KCNH8: variants seen among roughly 807,000 people sequenced by gnomAD.
KCNH8 encodes the protein voltage-gated delayed rectifier potassium channel KCNH8.
Under a neutral mutation model 103.6 loss-of-function variants are expected in KCNH8, and 70 were observed. That is an observed-to-expected ratio of 0.68 (90% CI 0.56 to 0.82). The LOEUF is 0.82. Ranked by LOEUF, KCNH8 falls within the 40% of genes least tolerant of loss-of-function variation. The pLI is 0.00. For synonymous variants in KCNH8, 498 were observed against 489.4 expected (o/e 1.02, Z -0.23); for missense variants, 1,217 against 1,329.9 (o/e 0.92, Z 1.32).
At chr3:19,238,188 G>A (rs144717344) in intron 1 of KCNH8, among the ~76,000 whole-genome samples, 15 of 152,292 alleles carry the variant, frequency 9.8e-5, no homozygotes, top group East Asian at 7.7e-4. Context: ...CGAGATCACC[G>A]TATTTAAGGT....
At position 19,479,248 on chromosome 3, in the gene KCNH8, C is replaced by T. The variant is rs148725840; in HGVS notation, c.2040+22266C>T. On this transcript the variant is annotated intron_variant, in intron 11 of 15. Transcript: ENST00000328405. ...TCGTCCAGAAACTCTAAATTCAGAG[C>T]TCAATTACTTAACTTGTACTTCTGT... Among the ~76,000 whole-genome samples the T allele has an allele frequency of 7.6e-3, 1,157 of 152,200 alleles. 30 individuals carry two copies. Among genetic ancestry groups the T allele is most frequent in the Admixed American group, 9.8e-3 (150 of 15,294 alleles).
chr3:19,430,950 T>C lies in KCNH8; in HGVS notation c.1178-7214T>C, dbSNP rs551351620. Among the ~76,000 whole-genome samples the C allele has an allele frequency of 9.8e-5, 15 of 152,314 alleles. No homozygotes were observed. In the South Asian group the frequency reaches 2.1e-3, roughly 21 times the overall value. On this transcript the variant is annotated intron_variant, in intron 7 of 15. Transcript: ENST00000328405. ...TGCAAACACAGACAGTTTGACTTCC[T>C]CTCTTTCTATTTGAATACGCTTCAT...
rs1018311236 is a variant in KCNH8 at position 19,424,515 on chromosome 3, A to G, written c.1178-13649A>G. On this transcript the variant is annotated intron_variant, in intron 7 of 15. Transcript: ENST00000328405. Reference sequence around the variant, plus strand: ...CCTGAAACCATAAAAATTCTATAATATAACATCAGAAAAACTCGTCTAGAC... The same window carrying G: ...CCTGAAACCATAAAAATTCTATAATGTAACATCAGAAAAACTCGTCTAGAC... Among the ~76,000 whole-genome samples, 31 of 152,176 alleles carry G rather than the reference A, an allele frequency of 2.0e-4. 1 individual carries two copies. Among genetic ancestry groups the G allele is most frequent in the African/African-American group, 7.5e-4 (31 of 41,452 alleles).
chr3:19,340,864 C>G (rs1050636814), intron 3 of KCNH8, among the ~76,000 whole-genome samples: 1 of 152,056 alleles, frequency 6.6e-6, no homozygotes, highest in African/African-American at 2.4e-5. Flanking sequence ...ATAATTCAGC[C>G]AAGGGGCAGA....
At chr3:19,173,748 A>G (rs969275263) in intron 1 of KCNH8, among the ~76,000 whole-genome samples, 19 of 152,118 alleles carry the variant, frequency 1.2e-4, no homozygotes, top group Non-Finnish European at 2.5e-4. Context: ...TTAGACTACA[A>G]TTTAAATAAA....
At chr3:19,252,945 A>T (rs1436339233) in intron 1 of KCNH8, among the ~76,000 whole-genome samples, 1 of 152,082 alleles carries the variant, frequency 6.6e-6, no homozygotes, top group Non-Finnish European at 1.5e-5. Flanking sequence ...GAGTGCACTT[A>T]GCTTAAGTGG....
intron 2 of KCNH8, among the ~76,000 whole-genome samples, chr3:19,269,295 A>C (rs1440503245): frequency 6.6e-6 from 1 of 152,104 alleles, no homozygotes; most frequent in Non-Finnish European, 1.5e-5. Context: ...TTACTTTCCC[A>C]AAATTTCTCA....
Position 19,518,081 on chromosome 3 carries a change from A to G in KCNH8, c.2619+7A>G, listed in dbSNP as rs764890568. 8.1e-6 allele frequency: 13 copies of G among 1,608,416 alleles called. No homozygotes were observed. In the Admixed American group the frequency reaches 2.0e-4, roughly 25 times the overall value. The stretch of plus-strand genomic sequence containing the variant: ...AAACAAACTCAACAGTGAGGTATGG[A>G]GCTCTTTCTTTGGTCATGCCTAAAT... On this transcript the variant is annotated splice_region_variant and intron_variant, in intron 15 of 15. Transcript: ENST00000328405.
intron 1 of KCNH8, among the ~76,000 whole-genome samples, chr3:19,164,677 G>A (rs78624460): frequency 0.014 from 2,063 of 152,256 alleles, 43 homozygotes; most frequent in African/African-American, 0.047. Flanking sequence ...TGACTTCACT[G>A]TGAGATACTT....
At chr3:19,256,367 G>T (rs1021890667) in intron 2 of KCNH8, among the ~76,000 whole-genome samples, 3 of 152,012 alleles carry the variant, frequency 2.0e-5, no homozygotes, top group Non-Finnish European at 4.4e-5. Flanking sequence ...CAATACATAA[G>T]GCCTACATAG....
chr3:19,371,607 T>A (rs1359692814), intron 5 of KCNH8, among the ~76,000 whole-genome samples: 1 of 150,502 alleles, frequency 6.6e-6, no homozygotes, highest in Admixed American at 6.6e-5. Flanking sequence ...AGAAGCTCTT[T>A]AGTTTAATTA....
chr3:19,527,089 T>A (rs1171839704), intron 15 of KCNH8, among the ~76,000 whole-genome samples: 2 of 152,004 alleles, frequency 1.3e-5, no homozygotes, highest in Admixed American at 1.3e-4. Flanking sequence ...TTAATCCATC[T>A]GAATGCAGCT....
rs1452052856 is a variant in KCNH8 at position 19,384,255 on chromosome 3, GC to G, written c.812-6225del. On this transcript the variant is annotated intron_variant, in intron 5 of 15. Transcript: ENST00000328405. Reference sequence around the variant, plus strand: ...TTTTGTATCTACAGCTGGAATGATTGCAGATTAATAAAATTATGAAATCCCA... The same window carrying G: ...TTTTGTATCTACAGCTGGAATGATTGAGATTAATAAAATTATGAAATCCCA... Among the ~76,000 whole-genome samples, 6 of 152,176 alleles carry G rather than the reference GC, an allele frequency of 3.9e-5. No homozygotes were observed. In the East Asian group the frequency reaches 1.2e-3, roughly 29 times the overall value.
chr3:19,253,613 C>T (rs1575471118), intron 1 of KCNH8, 41 bp from the exon 2 acceptor site: 10 of 1,414,040 alleles, frequency 7.1e-6, no homozygotes, highest in South Asian at 4.6e-5. Flanking sequence ...AATTCTCACA[C>T]TTATCTAGTT....
chr3:19,348,097 A>G, intron 5 of KCNH8, 132 bp downstream of exon 5: 1 of 1,021,536 alleles, frequency 9.8e-7, no homozygotes, highest in South Asian at 1.6e-5. Context: ...CAAATTTTGG[A>G]GAAGCACATA....
intron 11 of KCNH8, among the ~76,000 whole-genome samples, chr3:19,508,987 G>A (rs566478151): frequency 1.3e-5 from 2 of 152,162 alleles, no homozygotes; most frequent in Non-Finnish European, 2.9e-5. Context: ...ATGTTCTTCT[G>A]TAATCCAAGC....
At chr3:19,251,581 G>T (rs2064278386) in intron 1 of KCNH8, among the ~76,000 whole-genome samples, 2 of 152,072 alleles carry the variant, frequency 1.3e-5, no homozygotes, top group African/African-American at 4.8e-5. Flanking sequence ...AGGAGATGGA[G>T]AAACACATGG....
At chr3:19,391,130 A>G (rs976440195) in intron 6 of KCNH8, among the ~76,000 whole-genome samples, 2 of 152,070 alleles carry the variant, frequency 1.3e-5, no homozygotes, top group Non-Finnish European at 2.9e-5. Flanking sequence ...AGAAAATTCA[A>G]CCGCTTCTTA....
At chr3:19,251,543 G>A (rs1238758911) in intron 1 of KCNH8, among the ~76,000 whole-genome samples, 1 of 152,034 alleles carries the variant, frequency 6.6e-6, no homozygotes, top group Non-Finnish European at 1.5e-5. Flanking sequence ...GGTGGACTAT[G>A]TTTGGAAACA....
Sources: gnomAD v4.1 joint callset for allele counts (sites outside exome capture counted in the v4.1 genomes callset) on GRCh38, gnomAD v4.1.1 for gene constraint, MANE v1.5 for transcripts, NCBI Gene and HGNC (gene_info 2026-07-23, HGNC 2026-07-21) for gene names.